ABCA1: variants seen among roughly 807,000 people sequenced by gnomAD.
ABCA1 encodes the protein ATP binding cassette subfamily A member 1.
Under a neutral mutation model 262.5 loss-of-function variants are expected in ABCA1, and 133 were observed. The observed-to-expected ratio is 0.51, with a 90% CI of 0.44 to 0.59. The LOEUF is 0.59. Among genes scored for constraint, ABCA1 ranks in the 20% least tolerant of loss-of-function variants. The probability of loss-of-function intolerance (pLI) is 0.00; values close to 1 mark genes in which losing one functional copy is unlikely to be tolerated. For missense variants in ABCA1, 2,452 were observed against 2,777.5 expected, an observed-to-expected ratio of 0.88 and a Z score of 2.63; for synonymous variants, 1,022 against 1,043.5, an observed-to-expected ratio of 0.98 and a Z score of 0.40.
intron 5 of ABCA1, among the ~76,000 whole-genome samples, chr9:104,874,719 T>C (rs1344237617): frequency 2.6e-5 from 4 of 151,882 alleles, no homozygotes; most frequent in Admixed American, 2.6e-4. Context: ...TAAAACCCCA[T>C]CTCTACTGAA....
At chr9:104,872,522 G>A (rs1436010611) in intron 5 of ABCA1, among the ~76,000 whole-genome samples, 4 of 152,154 alleles carry the variant, frequency 2.6e-5, no homozygotes, top group Non-Finnish European at 5.9e-5. Flanking sequence ...TTACCCTTTC[G>A]AGCCTCGGTT....
rs940912674 is a variant in ABCA1 at position 104,781,457 on chromosome 9, G to T, written c.*2858C>A. ...AATGTCTCAATATCAAAGTGGTTCA[G>T]TATTACATGACACATGGCTCTTTGG... On this transcript the variant is annotated 3_prime_UTR_variant, in exon 50 of 50. Transcript: ENST00000374736. The T allele has an allele frequency of 6.6e-6, 1 of 152,558 alleles. No individual in the cohort carries two copies. Among genetic ancestry groups the T allele is most frequent in the Non-Finnish European group, 1.5e-5 (1 of 67,998 alleles). The allele number at this position is 152,558 out of a possible 1,614,324, so 9.5% of individuals were successfully genotyped here. A position where few individuals can be genotyped will look rare whatever the true frequency, so the allele number is the denominator to read the frequency against.
intron 28 of ABCA1, among the ~76,000 whole-genome samples, chr9:104,811,189 C>T (rs1001517913): frequency 1.3e-5 from 2 of 152,234 alleles, no homozygotes; most frequent in Admixed American, 1.3e-4. Context: ...AAGAAGTTCA[C>T]GAAGTAAATA....
At chr9:104,832,175 C>T (rs557765432) in intron 12 of ABCA1, among the ~76,000 whole-genome samples, 5 of 152,282 alleles carry the variant, frequency 3.3e-5, no homozygotes, top group Admixed American at 2.0e-4. Flanking sequence ...CCCATCCCTA[C>T]TAATATAATT....
chr9:104,788,745 G>C (rs895490012), intron 44 of ABCA1, among the ~76,000 whole-genome samples, 178 bp from the exon 45 acceptor site: 4 of 152,144 alleles, frequency 2.6e-5, no homozygotes, highest in African/African-American at 9.7e-5. Context: ...TGGCAGGCAG[G>C]GTTCCTGCCT....
At chr9:104,821,270 A>G (rs35053902) in intron 20 of ABCA1, 105 bp downstream of exon 20, 1 of 1,501,278 alleles carries the variant, frequency 6.7e-7, no homozygotes, top group Non-Finnish European at 9.0e-7. Flanking sequence ...AAAAGAAAAA[A>G]CAAAAACACA....
intron 15 of ABCA1, among the ~76,000 whole-genome samples, 157 bp downstream of exon 15, chr9:104,828,755 CCTCA>C (rs1833006528): frequency 6.6e-6 from 1 of 152,194 alleles, no homozygotes. Flanking sequence ...CCTCTCTGGG[CCTCA>C]CTTTCCCCAA....
At chr9:104,862,669 C>CGGCCCCCCCAGGGCAGGGCA (rs1836652433) in intron 5 of ABCA1, among the ~76,000 whole-genome samples, 1 of 9,814 alleles carries the variant, frequency 1.0e-4, no homozygotes, top group African/African-American at 3.9e-4. Flanking sequence ...CGGGCCGGGC[C>CGGCCCCCCCAGGGCAGGGCA]GGGCCGGGCC....
chr9:104,781,503 T>C lies in ABCA1; in HGVS notation c.*2812A>G, dbSNP rs2118822331. Reference sequence around the variant, plus strand: ...TTTGGAAAATATTTTACCTGATATATACAACCACAAGAAGAAAACACAGAC... The same window carrying C: ...TTTGGAAAATATTTTACCTGATATACACAACCACAAGAAGAAAACACAGAC... On this transcript the variant is annotated 3_prime_UTR_variant, in exon 50 of 50. Transcript: ENST00000374736. 3 of 152,732 alleles carry C rather than the reference T, an allele frequency of 2.0e-5. No homozygotes were observed. The South Asian group carries it at 6.2e-4, about 32-fold the overall frequency. 9.5% of individuals were successfully genotyped at this position (152,732 alleles called of 1,614,324 possible). A position where few individuals can be genotyped will look rare whatever the true frequency, so the allele number is the denominator to read the frequency against.
At chr9:104,882,054 A>AAAAC (rs1838721586) in intron 5 of ABCA1, among the ~76,000 whole-genome samples, 1 of 147,032 alleles carries the variant, frequency 6.8e-6, no homozygotes, top group Admixed American at 6.9e-5. Context: ...AAAAAAAAAA[A>AAAAC]AAACTCAAAT....
intron 2 of ABCA1, among the ~76,000 whole-genome samples, chr9:104,896,058 T>A (rs75494727): frequency 6.6e-6 from 1 of 151,994 alleles, no homozygotes; most frequent in Admixed American, 6.6e-5. Context: ...AGAATAAACA[T>A]CAGAAAGGAA....
In ABCA1 at chr9:104,809,694, C is replaced by T. The variant is rs1831098980; in HGVS notation, c.4176-130G>A. ...GACAGGCTCTTAAAACAGAAATGAA[C>T]AAAACACAGAAACCACCCAGAAGGA... On this transcript the variant is annotated intron_variant, in intron 29 of 49. Coordinates refer to ENST00000374736, the MANE Select transcript of ABCA1 (RefSeq NM_005502.4). 1.2e-5 allele frequency: 11 copies of T among 882,206 alleles called. No individual in the cohort carries two copies. The East Asian group carries it at 2.9e-4, about 24-fold the overall frequency. 54.6% of individuals were successfully genotyped at this position (882,206 alleles called of 1,614,324 possible). A position where few individuals can be genotyped will look rare whatever the true frequency, so the allele number is the denominator to read the frequency against.
chr9:104,806,142 C>T, intron 31 of ABCA1, 99 bp downstream of exon 31: 2 of 1,252,710 alleles, frequency 1.6e-6, no homozygotes, highest in Non-Finnish European at 2.3e-6. Context: ...CTGAAACAGA[C>T]CCTCCCAACA....
intron 45 of ABCA1, 101 bp downstream of exon 45, chr9:104,788,325 T>A: frequency 1.3e-6 from 2 of 1,512,538 alleles, no homozygotes; most frequent in African/African-American, 2.8e-5. Context: ...GCTGCATTCA[T>A]GAGGAAAAAC....
At chr9:104,871,320 C>T (rs1409066569) in intron 5 of ABCA1, among the ~76,000 whole-genome samples, 2 of 152,112 alleles carry the variant, frequency 1.3e-5, no homozygotes, top group Non-Finnish European at 1.5e-5. Flanking sequence ...TACTCAGTCT[C>T]GAGAATTTTC....
chr9:104,845,955 C>A (rs528673247), intron 7 of ABCA1, among the ~76,000 whole-genome samples: 54 of 151,976 alleles, frequency 3.6e-4, no homozygotes, highest in Non-Finnish European at 6.8e-4. Flanking sequence ...TGACGGCTCA[C>A]AAGAAAGGAA....
intron 5 of ABCA1, among the ~76,000 whole-genome samples, chr9:104,864,691 C>T (rs1836931003): frequency 6.6e-6 from 1 of 152,074 alleles, no homozygotes; most frequent in Non-Finnish European, 1.5e-5. Flanking sequence ...CAGAGCAATA[C>T]ATCATATTGC....
chr9:104,862,649 C>CCGGGCAGGGCAGGGCA (rs1554729347), intron 5 of ABCA1, among the ~76,000 whole-genome samples: 4 of 11,702 alleles, frequency 3.4e-4, no homozygotes, highest in African/African-American at 1.1e-3. Context: ...CGGGCCGGGC[C>CCGGGCAGGGCAGGGCA]GGGCCGGGCC....
chr9:104,825,517 A>G (rs1426338709), intron 17 of ABCA1, 166 bp downstream of exon 17: 4 of 729,270 alleles, frequency 5.5e-6, no homozygotes, highest in Non-Finnish European at 9.7e-6. Flanking sequence ...AAGTAGTGAC[A>G]ATTGTACTTT....
Sources: gnomAD v4.1 joint callset for allele counts (sites outside exome capture counted in the v4.1 genomes callset) on GRCh38, gnomAD v4.1.1 for gene constraint, MANE v1.5 for transcripts, NCBI Gene and HGNC (gene_info 2026-07-23, HGNC 2026-07-21) for gene names.